ABCD3: variants seen among roughly 807,000 people sequenced by gnomAD.
ABCD3 encodes the protein ATP-binding cassette sub-family D member 3.
In ABCD3, 41 loss-of-function variants were observed where a neutral mutation model predicts 105.5. The observed-to-expected ratio is 0.39, with a 90% CI of 0.30 to 0.50. The LOEUF is 0.50. Among genes scored for constraint, ABCD3 ranks in the 20% least tolerant of loss-of-function variants. The pLI, the probability that ABCD3 is intolerant of heterozygous loss-of-function variation, is 0.84. For missense variants in ABCD3, 622 were observed against 806.3 expected, an observed-to-expected ratio of 0.77 and a Z score of 2.77; for synonymous variants, 258 against 269.0, an observed-to-expected ratio of 0.96 and a Z score of 0.40.
chr1:94,509,210 T>C (rs1433893406), intron 21 of ABCD3, among the ~76,000 whole-genome samples: 1 of 152,246 alleles, frequency 6.6e-6, no homozygotes, highest in Non-Finnish European at 1.5e-5. Flanking sequence ...TGTTGAATTT[T>C]GTCAAAGGCC....
the ABCD3 span, among the ~76,000 whole-genome samples, chr1:94,393,968 G>T: frequency 6.6e-6 from 1 of 152,152 alleles, no homozygotes; most frequent in Admixed American, 6.5e-5. Context: ...TTGCTTACAG[G>T]ATCAGAGAAG....
At chr1:94,500,275 T>A (rs1650027378) in intron 20 of ABCD3, among the ~76,000 whole-genome samples, 3 of 151,826 alleles carry the variant, frequency 2.0e-5, no homozygotes, top group Admixed American at 1.3e-4. Flanking sequence ...AGACCCTTTC[T>A]CTACAAAAAA....
At chr1:94,431,989 A>C (rs1659701666) in intron 1 of ABCD3, among the ~76,000 whole-genome samples, 1 of 152,202 alleles carries the variant, frequency 6.6e-6, no homozygotes, top group Non-Finnish European at 1.5e-5. Context: ...CCCATTTCTT[A>C]AGTATCATAT....
the ABCD3 span, among the ~76,000 whole-genome samples, chr1:94,388,919 C>A: frequency 2.7e-4 from 41 of 152,112 alleles, no homozygotes; most frequent in African/African-American, 9.9e-4. Context: ...TTCTGAGGAT[C>A]TAACTTATGA....
chr1:94,494,188 G>T (rs1298569917), intron 16 of ABCD3, among the ~76,000 whole-genome samples: 1 of 152,012 alleles, frequency 6.6e-6, no homozygotes, highest in East Asian at 1.9e-4. Flanking sequence ...TCATTATGTT[G>T]AAAAGTGACA....
Position 94,418,416 on chromosome 1 carries a change from A to C in ABCD3, c.-63A>C. 2 of 1,348,028 alleles carry C rather than the reference A, an allele frequency of 1.5e-6. No homozygotes were observed. The highest frequency in any genetic ancestry group is 2.0e-6 in the Non-Finnish European group (2 of 976,708). The allele number at this position is 1,348,028 out of a possible 1,614,324, so 83.5% of individuals were successfully genotyped here. A position where few individuals can be genotyped will look rare whatever the true frequency, so the allele number is the denominator to read the frequency against. On this transcript the variant is annotated 5_prime_UTR_variant, in exon 1 of 23. Transcript: ENST00000370214. ...CAGTCTCCCCCGCGCTGCGTGCAGTAAGGTAGCCGCCGCCGCCGCCGCCGC... is the reference window on the plus strand; with the variant it reads ...CAGTCTCCCCCGCGCTGCGTGCAGTCAGGTAGCCGCCGCCGCCGCCGCCGC...
chr1:94,411,148 A>G, the ABCD3 span, among the ~76,000 whole-genome samples: 1 of 152,230 alleles, frequency 6.6e-6, no homozygotes, highest in Non-Finnish European at 1.5e-5. Context: ...ATCAAAATGT[A>G]AAACCTTTTT....
intron 1 of ABCD3, among the ~76,000 whole-genome samples, chr1:94,447,073 A>G (rs1356192180): frequency 1.3e-5 from 2 of 152,238 alleles, no homozygotes; most frequent in Non-Finnish European, 2.9e-5. Flanking sequence ...GCCAAGGTTT[A>G]GGATATCATT....
intron 2 of ABCD3, among the ~76,000 whole-genome samples, chr1:94,461,644 A>T (rs1425056262): frequency 1.3e-5 from 2 of 151,962 alleles, no homozygotes; most frequent in Non-Finnish European, 2.9e-5. Flanking sequence ...GTTTCTGTGT[A>T]TGTGAGCTGC....
chr1:94,478,423 G>T, intron 8 of ABCD3, 108 bp downstream of exon 8: 1 of 1,147,882 alleles, frequency 8.7e-7, no homozygotes, highest in Non-Finnish European at 1.3e-6. Context: ...CTCAAAGAAT[G>T]TATTTTCACA....
chr1:94,419,240 A>C, intron 1 of ABCD3: 1 of 978,328 alleles, frequency 1.0e-6, no homozygotes, highest in Non-Finnish European at 1.2e-6. Flanking sequence ...TTTCATCCGG[A>C]AAGGCTGGAT....
chr1:94,386,177 C>T, the ABCD3 span, among the ~76,000 whole-genome samples: 1 of 152,198 alleles, frequency 6.6e-6, no homozygotes, highest in Admixed American at 6.5e-5. Context: ...CCAAGAACTC[C>T]TTTCTCTGGG....
intron 16 of ABCD3, among the ~76,000 whole-genome samples, chr1:94,493,839 C>T (rs1649658081): frequency 6.6e-6 from 1 of 151,888 alleles, no homozygotes; most frequent in South Asian, 2.1e-4. Flanking sequence ...TAAACTATCG[C>T]AAGGACAAAA....
intron 8 of ABCD3, among the ~76,000 whole-genome samples, chr1:94,479,949 G>A (rs1480173315): frequency 6.6e-6 from 1 of 152,060 alleles, no homozygotes; most frequent in Admixed American, 6.6e-5. Flanking sequence ...CTCGTTCAGG[G>A]GGAGCTGAAC....
chr1:94,389,876 C>G, the ABCD3 span, among the ~76,000 whole-genome samples: 1 of 152,076 alleles, frequency 6.6e-6, no homozygotes, highest in Non-Finnish European at 1.5e-5. Flanking sequence ...TGCATCGGGT[C>G]CAATTAGCAT....
In ABCD3 at chr1:94,489,702, G is replaced by C. The variant is rs79136386; in HGVS notation, c.1158-23G>C. Reference sequence around the variant, plus strand: ...GACAATAGTCTGGAGTTTTGATTATGGTTTCCTTTTCTAAAATTTTAGTTT... The same window carrying C: ...GACAATAGTCTGGAGTTTTGATTATCGTTTCCTTTTCTAAAATTTTAGTTT... On this transcript the variant is annotated intron_variant, in intron 13 of 22. Coordinates refer to ENST00000370214, the MANE Select transcript of ABCD3 (RefSeq NM_002858.4). 3,707 of 1,537,688 alleles carry C rather than the reference G, an allele frequency of 2.4e-3. 82 individuals are homozygous for C. The African/African-American group carries it at 0.045, about 19-fold the overall frequency.
At chr1:94,394,093 T>C in the ABCD3 span, among the ~76,000 whole-genome samples, 3 of 152,218 alleles carry the variant, frequency 2.0e-5, no homozygotes, top group Non-Finnish European at 2.9e-5. Flanking sequence ...GCCTCAACCA[T>C]TGGACCCACA....
Position 94,430,588 on chromosome 1 carries a change from C to T in ABCD3, c.110+12000C>T, listed in dbSNP as rs145097936. Among the ~76,000 whole-genome samples, 71 of 152,288 alleles carry T rather than the reference C, an allele frequency of 4.7e-4. 1 individual carries two copies. The highest frequency in any genetic ancestry group is 3.9e-3 in the East Asian group (20 of 5,164). On this transcript the variant is annotated intron_variant, in intron 1 of 22. Transcript: ENST00000370214. ...AGCTGTTTTTGTCTGCCACCCTCCA[C>T]GTAAGGTGTGACTTACTCCTCCTTG...
At chr1:94,408,305 T>G in the ABCD3 span, among the ~76,000 whole-genome samples, 1 of 151,966 alleles carries the variant, frequency 6.6e-6, no homozygotes, top group South Asian at 2.1e-4. Flanking sequence ...AATGCAAGGC[T>G]GCTGCGATGG....
Sources: allele counts gnomAD v4.1 joint callset (sites outside exome capture counted in the v4.1 genomes callset), GRCh38; gene constraint gnomAD v4.1.1; transcripts MANE v1.5; gene names NCBI Gene and HGNC (gene_info 2026-07-23, HGNC 2026-07-21).